The following FSTL4 variants were observed in gnomAD, a reference collection of about 807,000 sequenced individuals.
The protein encoded by FSTL4 is follistatin-related protein 4.
Under a neutral mutation model 78.2 loss-of-function variants are expected in FSTL4, and 28 were observed. That is an observed-to-expected ratio of 0.36 (90% CI 0.27 to 0.49). FSTL4 has a LOEUF of 0.49. Among genes scored for constraint, FSTL4 ranks in the 20% least tolerant of loss-of-function variants. The pLI is 0.98. For missense variants in FSTL4, 922 were observed against 1,084.9 expected, an observed-to-expected ratio of 0.85 and a Z score of 2.11; for synonymous variants, 422 against 440.5, an observed-to-expected ratio of 0.96 and a Z score of 0.53.
intron 6 of FSTL4, among the ~76,000 whole-genome samples, chr5:133,301,380 C>G (rs1232714639): frequency 1.3e-5 from 2 of 152,154 alleles, no homozygotes; most frequent in Non-Finnish European, 2.9e-5. Context: ...CTCATGGCAT[C>G]TGGCACGTGG....
the FSTL4 span, among the ~76,000 whole-genome samples, chr5:133,723,387 A>T: frequency 6.6e-6 from 1 of 152,194 alleles, no homozygotes; most frequent in Non-Finnish European, 1.5e-5. Context: ...TCCATATGAC[A>T]CAGCGGGAGC....
intron 2 of FSTL4, among the ~76,000 whole-genome samples, chr5:133,600,863 T>C: frequency 6.6e-6 from 1 of 152,256 alleles, no homozygotes; most frequent in East Asian, 1.9e-4. Flanking sequence ...TAATATCTGG[T>C]TCCTGAAAAA....
the FSTL4 span, among the ~76,000 whole-genome samples, chr5:133,663,001 A>G: frequency 6.6e-6 from 1 of 152,180 alleles, no homozygotes. Flanking sequence ...AAGCTTACAT[A>G]TTGTACAATT....
chr5:133,570,895 A>G (rs930804727), intron 2 of FSTL4, among the ~76,000 whole-genome samples: 2 of 152,202 alleles, frequency 1.3e-5, no homozygotes, highest in African/African-American at 4.8e-5. Flanking sequence ...TCTAGAACTT[A>G]GAGAAGTCTC....
At chr5:133,423,981 G>A (rs10479040) in intron 3 of FSTL4, among the ~76,000 whole-genome samples, 2 of 152,188 alleles carry the variant, frequency 1.3e-5, no homozygotes, top group Non-Finnish European at 2.9e-5. Context: ...CGGTTCACCA[G>A]CTTACCACCA....
chr5:133,430,832 A>AG (rs1302006706), intron 3 of FSTL4, among the ~76,000 whole-genome samples: 1 of 152,160 alleles, frequency 6.6e-6, no homozygotes, highest in Non-Finnish European at 1.5e-5. Flanking sequence ...AAAACTATAC[A>AG]GGGGGGTCAG....
At chr5:133,331,003 G>A (rs538564277) in intron 4 of FSTL4, among the ~76,000 whole-genome samples, 92 of 152,342 alleles carry the variant, frequency 6.0e-4, no homozygotes, top group African/African-American at 2.0e-3. Flanking sequence ...GGGGGGCAGG[G>A]GATTCAGGGT....
rs1756199669 is a variant in FSTL4, at chr5:133,400,675, C to A, written c.409+63G>T. ...TAGACTCAGCACCCAGGTCACTTGT[C>A]AAAAAGGCATTGGAAGACCCATCAC... On this transcript the variant is annotated intron_variant, in intron 4 of 15. Transcript: ENST00000265342. 23 of 1,496,212 alleles carry A rather than the reference C, an allele frequency of 1.5e-5. 1 individual carries two copies. In the South Asian group the frequency reaches 2.6e-4, roughly 17 times the overall value. 92.7% of individuals were successfully genotyped at this position (1,496,212 alleles called of 1,614,324 possible).
At chr5:133,688,641 G>A in the FSTL4 span, among the ~76,000 whole-genome samples, 4 of 152,230 alleles carry the variant, frequency 2.6e-5, no homozygotes, top group African/African-American at 9.6e-5. Flanking sequence ...AGCTCACACA[G>A]AAGATAACTG....
intron 6 of FSTL4, among the ~76,000 whole-genome samples, chr5:133,281,581 T>C (rs1434496112): frequency 6.6e-6 from 1 of 152,104 alleles, no homozygotes; most frequent in Non-Finnish European, 1.5e-5. Flanking sequence ...GCCAGGACTC[T>C]TCTATGATTT....
At chr5:133,332,003 T>A (rs909420473) in intron 4 of FSTL4, among the ~76,000 whole-genome samples, 1 of 152,222 alleles carries the variant, frequency 6.6e-6, no homozygotes, top group Non-Finnish European at 1.5e-5. Flanking sequence ...CTGAAGCTTC[T>A]GAGCTGATGC....
chr5:133,281,345 A>G (rs966905114), intron 6 of FSTL4, among the ~76,000 whole-genome samples: 2 of 152,122 alleles, frequency 1.3e-5, no homozygotes, highest in African/African-American at 4.8e-5. Flanking sequence ...AATAGGTGGG[A>G]CTTAGGAGGC....
At chr5:133,764,590 A>G in the FSTL4 span, among the ~76,000 whole-genome samples, 3 of 151,720 alleles carry the variant, frequency 2.0e-5, no homozygotes, top group Non-Finnish European at 4.4e-5. Flanking sequence ...ACATAAAACC[A>G]TGTGCCTTTT....
At chr5:133,200,697 C>G (rs1453791963) in intron 15 of FSTL4, among the ~76,000 whole-genome samples, 1 of 152,186 alleles carries the variant, frequency 6.6e-6, no homozygotes, top group Non-Finnish European at 1.5e-5. Flanking sequence ...ATCTTGAGAG[C>G]CTGTGCCTAA....
intron 6 of FSTL4, among the ~76,000 whole-genome samples, chr5:133,295,360 A>G (rs1753367270): frequency 1.3e-5 from 2 of 152,196 alleles, no homozygotes; most frequent in Middle Eastern, 3.4e-3. Flanking sequence ...TACTCAAAGA[A>G]GTCATCTGGT....
intron 3 of FSTL4, among the ~76,000 whole-genome samples, chr5:133,537,520 C>T (rs912841286): frequency 6.6e-6 from 1 of 152,106 alleles, no homozygotes; most frequent in Non-Finnish European, 1.5e-5. Context: ...TTCTACACAA[C>T]CATATCATTT....
intron 6 of FSTL4, among the ~76,000 whole-genome samples, chr5:133,286,133 T>G (rs1753123836): frequency 6.6e-6 from 1 of 152,230 alleles, no homozygotes; most frequent in African/African-American, 2.4e-5. Context: ...TGTTGTGCAG[T>G]GCTTAGGAGC....
At chr5:133,369,596 C>T (rs1229507220) in intron 4 of FSTL4, among the ~76,000 whole-genome samples, 3 of 152,232 alleles carry the variant, frequency 2.0e-5, no homozygotes, top group African/African-American at 7.2e-5. Context: ...TCCTGGCACC[C>T]AGCCTGACAC....
At chr5:133,489,711 C>T (rs1191889156) in intron 3 of FSTL4, among the ~76,000 whole-genome samples, 1 of 152,184 alleles carries the variant, frequency 6.6e-6, no homozygotes, top group Non-Finnish European at 1.5e-5. Context: ...CAAAATAGCC[C>T]CAGCTTCTCC....
Sources: allele counts gnomAD v4.1 joint callset (sites outside exome capture counted in the v4.1 genomes callset), GRCh38; gene constraint gnomAD v4.1.1; transcripts MANE v1.5; gene names NCBI Gene and HGNC (gene_info 2026-07-23, HGNC 2026-07-21).